Variants in TTC28 observed in about 807,000 individuals in gnomAD.
TTC28 encodes the protein tetratricopeptide repeat domain 28.
Under a neutral mutation model 198.0 loss-of-function variants are expected in TTC28, and 61 were observed. That is an observed-to-expected ratio of 0.31 (90% CI 0.25 to 0.38). The LOEUF (loss-of-function observed/expected upper bound fraction) is 0.38. TTC28 is among the 10% of genes least tolerant of loss of function. The pLI is 1.00. For synonymous variants in TTC28, 1,171 were observed against 1,297.8 expected, an observed-to-expected ratio of 0.90 and a Z score of 2.10; for missense variants, 2,678 against 3,164.0, an observed-to-expected ratio of 0.85 and a Z score of 3.69.
intron 2 of TTC28, among the ~76,000 whole-genome samples, chr22:28,621,797 G>A (rs921879946): frequency 2.7e-5 from 4 of 149,872 alleles, no homozygotes; most frequent in African/African-American, 9.8e-5. Context: ...AAAAGAGTAT[G>A]AAGGAATTAT....
intron 2 of TTC28, among the ~76,000 whole-genome samples, chr22:28,465,315 T>C (rs1047808744): frequency 6.6e-6 from 1 of 152,136 alleles, no homozygotes; most frequent in Non-Finnish European, 1.5e-5. Flanking sequence ...CCCAACTTTA[T>C]AGGAGGCACA....
At chr22:27,996,522 A>C (rs1393324936) in intron 16 of TTC28, 1 of 445,596 alleles carries the variant, frequency 2.2e-6, no homozygotes, top group East Asian at 3.7e-5. Context: ...GAGCCGAGGG[A>C]AGTGCAGTAG....
intron 2 of TTC28, among the ~76,000 whole-genome samples, chr22:28,620,253 G>A (rs1021778582): frequency 2.6e-5 from 4 of 151,970 alleles, no homozygotes; most frequent in African/African-American, 9.7e-5. Flanking sequence ...AGGAGGCTGG[G>A]GCAGGAGAAC....
chr22:28,289,435 A>T (rs1480228772), intron 5 of TTC28, among the ~76,000 whole-genome samples: 1 of 152,242 alleles, frequency 6.6e-6, no homozygotes, highest in East Asian at 1.9e-4. Flanking sequence ...GGGCAATTAA[A>T]ATTAATTTTG....
chr22:28,440,015 T>C (rs956939761), intron 2 of TTC28, among the ~76,000 whole-genome samples: 10 of 152,186 alleles, frequency 6.6e-5, no homozygotes, highest in African/African-American at 2.4e-4. Context: ...TTTGTATGTT[T>C]AGTAGAGACG....
chr22:28,104,942 G>A (rs1313455956), intron 8 of TTC28, among the ~76,000 whole-genome samples: 1 of 152,146 alleles, frequency 6.6e-6, no homozygotes, highest in Non-Finnish European at 1.5e-5. Flanking sequence ...GTGCGAGAAC[G>A]TGCTGCTCAT....
chr22:28,010,762 T>G (rs1245921236), intron 14 of TTC28, among the ~76,000 whole-genome samples: 4 of 152,294 alleles, frequency 2.6e-5, no homozygotes, highest in Non-Finnish European at 4.4e-5. Flanking sequence ...TGCTTCATCC[T>G]CTTGGGAGAG....
intron 2 of TTC28, among the ~76,000 whole-genome samples, chr22:28,352,935 A>G (rs1214334187): frequency 6.6e-6 from 1 of 152,228 alleles, no homozygotes; most frequent in Non-Finnish European, 1.5e-5. Flanking sequence ...AAAAATAACA[A>G]GGCAGATTTG....
chr22:28,228,262 A>C (rs1270827295), intron 5 of TTC28, among the ~76,000 whole-genome samples: 1 of 152,162 alleles, frequency 6.6e-6, no homozygotes, highest in Non-Finnish European at 1.5e-5. Context: ...TCAAGTTGGG[A>C]AAATGAAATT....
At chr22:28,345,900 C>A (rs2145918495) in intron 2 of TTC28, among the ~76,000 whole-genome samples, 1 of 152,234 alleles carries the variant, frequency 6.6e-6, no homozygotes, top group South Asian at 2.1e-4. Flanking sequence ...AAAAAAGTCA[C>A]AGGTAAGAAA....
chr22:28,340,808 CA>C (rs2045816784), intron 2 of TTC28, among the ~76,000 whole-genome samples: 1 of 152,102 alleles, frequency 6.6e-6, no homozygotes, highest in Admixed American at 6.6e-5. Context: ...AAGAAAAAGT[CA>C]AAATTGATTT....
At chr22:28,041,522 C>T (rs564226595) in intron 12 of TTC28, among the ~76,000 whole-genome samples, 2 of 152,186 alleles carry the variant, frequency 1.3e-5, no homozygotes, top group Non-Finnish European at 2.9e-5. Context: ...GGAAAACTGG[C>T]TAGCCATATG....
At chr22:28,157,510 A>G (rs756979398) in intron 6 of TTC28, among the ~76,000 whole-genome samples, 2 of 152,252 alleles carry the variant, frequency 1.3e-5, no homozygotes, top group African/African-American at 2.4e-5. Context: ...TCCCTGATGA[A>G]TATTTATACC....
At chr22:28,106,125 T>C (rs1348029901) in intron 7 of TTC28, among the ~76,000 whole-genome samples, 6 of 152,200 alleles carry the variant, frequency 3.9e-5, no homozygotes. Flanking sequence ...CCTCCCAATT[T>C]CCACTACCGC....
intron 2 of TTC28, among the ~76,000 whole-genome samples, chr22:28,621,742 T>TAA (rs771463983): frequency 4.6e-4 from 35 of 76,114 alleles, no homozygotes; most frequent in African/African-American, 6.0e-4. Context: ...GACTGTCTCT[T>TAA]AAAAAAAAAA....
chr22:28,220,464 G>T (rs1000193473), intron 5 of TTC28, among the ~76,000 whole-genome samples: 6 of 152,204 alleles, frequency 3.9e-5, no homozygotes, highest in Admixed American at 3.9e-4. Flanking sequence ...TTCCCTGCTT[G>T]TGCAGTTGTT....
intron 2 of TTC28, among the ~76,000 whole-genome samples, chr22:28,312,540 A>C (rs1323926028): frequency 2.0e-5 from 3 of 152,188 alleles, no homozygotes; most frequent in Non-Finnish European, 2.9e-5. Context: ...TCAAATTAGA[A>C]CTCAAGATTA....
chr22:28,057,787 G>A (rs192711090), intron 12 of TTC28, among the ~76,000 whole-genome samples: 19 of 152,160 alleles, frequency 1.2e-4, no homozygotes, highest in Admixed American at 7.9e-4. Context: ...TATGAGGTAA[G>A]GTTCAAGATT....
At chr22:28,439,197 G>A (rs2047573861) in intron 2 of TTC28, among the ~76,000 whole-genome samples, 1 of 152,188 alleles carries the variant, frequency 6.6e-6, no homozygotes, top group Admixed American at 6.5e-5. Context: ...AGTGTAATGA[G>A]GAGGCAAGAT....
Sources: gnomAD v4.1 joint callset for allele counts (sites outside exome capture counted in the v4.1 genomes callset) on GRCh38, gnomAD v4.1.1 for gene constraint, MANE v1.5 for transcripts, NCBI Gene and HGNC (gene_info 2026-07-23, HGNC 2026-07-21) for gene names.